PDZRN4: variants seen among roughly 807,000 people sequenced by gnomAD.
The protein encoded by PDZRN4 is PDZ domain-containing RING finger protein 4.
A neutral mutation model predicts 99.0 loss-of-function variants in PDZRN4; 70 were observed. The observed-to-expected ratio is 0.71, with a 90% CI of 0.58 to 0.86. The LOEUF (loss-of-function observed/expected upper bound fraction) is 0.86, where lower values mean the gene tolerates loss of function less well. Among genes scored for constraint, PDZRN4 ranks in the 40% least tolerant of loss-of-function variants. The pLI is 0.00. For missense variants in PDZRN4, 1,474 were observed against 1,331.2 expected (o/e 1.11, Z -1.67); for synonymous variants, 551 against 501.6 (o/e 1.10, Z -1.32).
At chr12:41,557,520 A>C (rs1467776925) in intron 7 of PDZRN4, among the ~76,000 whole-genome samples, 2 of 152,294 alleles carry the variant, frequency 1.3e-5, no homozygotes, top group South Asian at 2.1e-4. Flanking sequence ...ACAGATGATT[A>C]CAGTACAGCA....
At chr12:41,224,381 A>G (rs1950979315) in intron 3 of PDZRN4, among the ~76,000 whole-genome samples, 1 of 152,200 alleles carries the variant, frequency 6.6e-6, no homozygotes, top group Admixed American at 6.5e-5. Context: ...TATTCATTAC[A>G]TTATTTTTTG....
intron 3 of PDZRN4, among the ~76,000 whole-genome samples, chr12:41,441,079 C>T (rs1000046155): frequency 4.6e-5 from 7 of 151,956 alleles, no homozygotes; most frequent in East Asian, 1.9e-4. Flanking sequence ...TGATTGATTA[C>T]GTGATGGTGA....
At chr12:41,379,571 T>G (rs1451922459) in intron 3 of PDZRN4, among the ~76,000 whole-genome samples, 1 of 151,862 alleles carries the variant, frequency 6.6e-6, no homozygotes, top group African/African-American at 2.4e-5. Context: ...TTTGTTCATA[T>G]CACAATTTTT....
chr12:41,274,567 A>C (rs1053418686), intron 3 of PDZRN4, among the ~76,000 whole-genome samples: 1 of 152,282 alleles, frequency 6.6e-6, no homozygotes, highest in African/African-American at 2.4e-5. Context: ...GCCATTTTTA[A>C]ATACCAACTA....
intron 3 of PDZRN4, among the ~76,000 whole-genome samples, chr12:41,480,103 G>C (rs950306711): frequency 1.3e-5 from 2 of 152,028 alleles, no homozygotes; most frequent in Non-Finnish European, 2.9e-5. Flanking sequence ...AAAAGTTCAT[G>C]GGCATGATTT....
intron 3 of PDZRN4, among the ~76,000 whole-genome samples, chr12:41,425,506 AGAAT>A (rs1952528153): frequency 6.6e-6 from 1 of 152,130 alleles, no homozygotes; most frequent in South Asian, 2.1e-4. Context: ...GTTCCTGTAC[AGAAT>A]TTCCACACCA....
intron 3 of PDZRN4, among the ~76,000 whole-genome samples, chr12:41,268,868 G>T (rs17129192): frequency 0.099 from 15,113 of 152,154 alleles, 856 homozygotes; most frequent in East Asian, 0.17. Context: ...ATCATTGAAG[G>T]ATAAAAACAT....
intron 3 of PDZRN4, among the ~76,000 whole-genome samples, chr12:41,379,099 G>C (rs1232207212): frequency 5.3e-5 from 8 of 151,846 alleles, no homozygotes; most frequent in Non-Finnish European, 1.2e-4. Context: ...TAGGTTATAT[G>C]TTTCCAGGAA....
chr12:41,385,658 C>A (rs534599417), intron 3 of PDZRN4, among the ~76,000 whole-genome samples: 1 of 152,072 alleles, frequency 6.6e-6, no homozygotes, highest in Non-Finnish European at 1.5e-5. Flanking sequence ...ACAATGAGCT[C>A]TGAAATTTAG....
chr12:41,191,787 T>TATTTA (rs1352252590), intron 2 of PDZRN4, among the ~76,000 whole-genome samples: 2,157 of 116,918 alleles, frequency 0.018, 31 homozygotes, highest in Non-Finnish European at 0.028. Context: ...TTTATTTATT[T>TATTTA]TGTTTGTTTG....
intron 3 of PDZRN4, among the ~76,000 whole-genome samples, chr12:41,213,298 T>C (rs1182601684): frequency 1.3e-5 from 2 of 151,944 alleles, no homozygotes; most frequent in Non-Finnish European, 2.9e-5. Context: ...AGTGCAGTAG[T>C]TCAGATGCCA....
chr12:41,422,564 G>A (rs541035203), intron 3 of PDZRN4, among the ~76,000 whole-genome samples: 2 of 152,258 alleles, frequency 1.3e-5, no homozygotes, highest in African/African-American at 4.8e-5. Flanking sequence ...TGAAGGGGAA[G>A]CAAGGACCTT....
chr12:41,259,475 T>C (rs559603191), intron 3 of PDZRN4, among the ~76,000 whole-genome samples: 1 of 152,238 alleles, frequency 6.6e-6, no homozygotes, highest in South Asian at 2.1e-4. Context: ...AACTAGCATG[T>C]CAAGAAACAC....
intron 3 of PDZRN4, among the ~76,000 whole-genome samples, chr12:41,289,587 T>A: frequency 6.6e-6 from 1 of 152,164 alleles, no homozygotes; most frequent in East Asian, 1.9e-4. Flanking sequence ...TAGAGGGCCT[T>A]TTGGACCACA....
At chr12:41,286,880 T>A (rs1350440702) in intron 3 of PDZRN4, among the ~76,000 whole-genome samples, 2 of 152,220 alleles carry the variant, frequency 1.3e-5, no homozygotes, top group Non-Finnish European at 2.9e-5. Flanking sequence ...TTTTCTATGT[T>A]AATCATTTAA....
intron 5 of PDZRN4, among the ~76,000 whole-genome samples, chr12:41,537,547 C>G (rs1938769414): frequency 6.6e-6 from 1 of 151,996 alleles, no homozygotes; most frequent in Non-Finnish European, 1.5e-5. Flanking sequence ...GGAATAGTAG[C>G]AGATTTGGGG....
At chr12:41,279,759 G>A (rs1951371339) in intron 3 of PDZRN4, among the ~76,000 whole-genome samples, 1 of 152,172 alleles carries the variant, frequency 6.6e-6, no homozygotes, top group South Asian at 2.1e-4. Context: ...TAGAGTTGGA[G>A]ATAATTATAG....
At chr12:41,224,412 T>A (rs534593272) in intron 3 of PDZRN4, among the ~76,000 whole-genome samples, 2 of 152,320 alleles carry the variant, frequency 1.3e-5, no homozygotes, top group South Asian at 4.1e-4. Context: ...GTACATTTAT[T>A]GTATTAAATA....
chr12:41,537,133 G>C (rs555756313), intron 5 of PDZRN4, among the ~76,000 whole-genome samples: 1 of 152,154 alleles, frequency 6.6e-6, no homozygotes, highest in Non-Finnish European at 1.5e-5. Flanking sequence ...CTTAAGCTGG[G>C]ATTGTCCCTG....
Sources: gnomAD v4.1 joint callset for allele counts (sites outside exome capture counted in the v4.1 genomes callset) on GRCh38, gnomAD v4.1.1 for gene constraint, MANE v1.5 for transcripts, NCBI Gene and HGNC (gene_info 2026-07-23, HGNC 2026-07-21) for gene names.